GOLGA1: variants seen among roughly 807,000 people sequenced by gnomAD.
GOLGA1 encodes the protein golgin subfamily A member 1.
GOLGA1 carries 63 observed loss-of-function variants against 119.7 expected under a neutral mutation model. The ratio of observed to expected loss-of-function variants is 0.53; its 90% CI spans 0.43 to 0.65. GOLGA1 has a LOEUF of 0.65. Ranked by LOEUF, GOLGA1 falls within the 30% of genes least tolerant of loss-of-function variation. The pLI, the probability that GOLGA1 is intolerant of heterozygous loss-of-function variation, is 0.00. For synonymous variants in GOLGA1, 318 were observed against 333.4 expected (o/e 0.95, Z 0.50); for missense variants, 798 against 912.8 (o/e 0.87, Z 1.62).
At chr9:124,924,636 CAAAAAA>C (rs71374206) in intron 7 of GOLGA1, among the ~76,000 whole-genome samples, 1 of 108,706 alleles carries the variant, frequency 9.2e-6, no homozygotes, top group Non-Finnish European at 1.9e-5. Flanking sequence ...GACCCTGTCT[CAAAAAA>C]AAAAAAAAAG....
chr9:124,935,882 G>C (rs995085695), intron 3 of GOLGA1, among the ~76,000 whole-genome samples: 2 of 152,020 alleles, frequency 1.3e-5, no homozygotes, highest in Admixed American at 6.6e-5. Context: ...CTGGTGACTT[G>C]GGAAGATGAA....
At chr9:124,895,792 C>T (rs1441400213) in intron 15 of GOLGA1, among the ~76,000 whole-genome samples, 1 of 150,266 alleles carries the variant, frequency 6.7e-6, no homozygotes, top group Non-Finnish European at 1.5e-5. Context: ...CAACAGAGAA[C>T]CATCCCCAAC....
At chr9:124,932,949 CT>C (rs764170150) in intron 3 of GOLGA1, among the ~76,000 whole-genome samples, 1 of 152,114 alleles carries the variant, frequency 6.6e-6, no homozygotes, top group Non-Finnish European at 1.5e-5. Flanking sequence ...GATTCACCTC[CT>C]CATTCCATCA....
At chr9:124,915,725 C>A (rs1332778207) in intron 10 of GOLGA1, among the ~76,000 whole-genome samples, 1 of 152,130 alleles carries the variant, frequency 6.6e-6, no homozygotes, top group Non-Finnish European at 1.5e-5. Context: ...GTTGAGGTTG[C>A]AGTGAGCCAA....
intron 10 of GOLGA1, among the ~76,000 whole-genome samples, chr9:124,914,628 G>A (rs1830405941): frequency 6.6e-6 from 1 of 152,212 alleles, no homozygotes; most frequent in South Asian, 2.1e-4. Flanking sequence ...GACATATAGG[G>A]TCAAGGGAAC....
chr9:124,895,239 C>CAACAGAGAACCCTCCAT (rs1829941813), intron 15 of GOLGA1, among the ~76,000 whole-genome samples: 3 of 149,024 alleles, frequency 2.0e-5, no homozygotes, highest in Non-Finnish European at 4.4e-5. Context: ...GAACCCTCCA[C>CAACAGAGAACCCTCCAT]AACAGAGAAC....
intron 15 of GOLGA1, among the ~76,000 whole-genome samples, chr9:124,898,136 C>T (rs1339989798): frequency 6.6e-6 from 1 of 152,146 alleles, no homozygotes; most frequent in African/African-American, 2.4e-5. Context: ...AAACAAAGGT[C>T]CTTATCATCT....
chr9:124,917,861 T>TATA (rs1564338493), intron 10 of GOLGA1, among the ~76,000 whole-genome samples: 1 of 151,006 alleles, frequency 6.6e-6, no homozygotes, highest in South Asian at 2.1e-4. Flanking sequence ...ATATATATAT[T>TATA]TTTTTTTTGA....
At chr9:124,906,123 A>G (rs1300693732) in intron 12 of GOLGA1, among the ~76,000 whole-genome samples, 1 of 150,716 alleles carries the variant, frequency 6.6e-6, no homozygotes, top group African/African-American at 2.4e-5. Context: ...CAAAAAATAA[A>G]TAAATAAATA....
At chr9:124,927,232 T>C (rs1830691714) in intron 6 of GOLGA1, among the ~76,000 whole-genome samples, 1 of 152,180 alleles carries the variant, frequency 6.6e-6, no homozygotes, top group Non-Finnish European at 1.5e-5. Context: ...CCAACATGCT[T>C]TATGCCATCT....
chr9:124,902,236 T>C (rs941600672), intron 12 of GOLGA1, among the ~76,000 whole-genome samples: 1 of 151,686 alleles, frequency 6.6e-6, no homozygotes. Context: ...CTCAGCCTCC[T>C]GAGTAGCTGG....
Position 124,881,701 on chromosome 9 carries a change from G to A in GOLGA1, c.2136+83C>T. 7 of 911,468 alleles carry A rather than the reference G, an allele frequency of 7.7e-6. No individual in the cohort carries two copies. The South Asian group carries it at 1.2e-4, about 15-fold the overall frequency. 56.5% of individuals were successfully genotyped at this position (911,468 alleles called of 1,614,324 possible). ...AACCAGGATGTACGAGGAAAAGAGAGAAAGGGGCTGGGCAGGGGTCCCTGC... is the reference window on the plus strand; with the variant it reads ...AACCAGGATGTACGAGGAAAAGAGAAAAAGGGGCTGGGCAGGGGTCCCTGC... On this transcript the variant is annotated intron_variant, in intron 21 of 22. Coordinates refer to ENST00000373555, the MANE Select transcript of GOLGA1 (RefSeq NM_002077.4). The surrounding 1 kb of genome is among the most constrained non-coding windows in gnomAD (Gnocchi z 4.9).
intron 12 of GOLGA1, among the ~76,000 whole-genome samples, chr9:124,904,233 A>C (rs1385061659): frequency 1.3e-5 from 2 of 152,218 alleles, no homozygotes; most frequent in African/African-American, 2.4e-5. Flanking sequence ...TAGAGTGTCC[A>C]AACTCAAAGA....
rs138568080 is a variant in GOLGA1 at position 124,898,570 on chromosome 9, T to A, written c.1386A>T (p.Gln462His). 4.9e-5 allele frequency: 79 copies of A among 1,595,976 alleles called. No individual in the cohort carries two copies. Among genetic ancestry groups the A allele is most frequent in the Non-Finnish European group, 6.6e-5 (77 of 1,164,464 alleles). Residue 462 changes from glutamine (Q) to histidine (H), a missense_variant, in exon 15 of 23, where the codon CAA becomes CAT. Coordinates refer to ENST00000373555, the MANE Select transcript of GOLGA1 (RefSeq NM_002077.4). ...ATACCTTCAGCTTCTTTAGTTCAAA[T>A]TGGTGATTTTGTAAAGAACGTTCAT... ...NEYERSLQNHQFELKKLKEEW... is the reference protein window; with the variant it reads ...NEYERSLQNHHFELKKLKEEW...
intron 3 of GOLGA1, among the ~76,000 whole-genome samples, chr9:124,936,751 T>G (rs1830878038): frequency 6.6e-6 from 1 of 152,224 alleles, no homozygotes; most frequent in Non-Finnish European, 1.5e-5. Context: ...GTGTCCAGCC[T>G]GGAATCTTAT....
At chr9:124,900,703 A>G (rs1830086267) in intron 12 of GOLGA1, among the ~76,000 whole-genome samples, 156 bp from the exon 13 acceptor site, 2 of 152,264 alleles carry the variant, frequency 1.3e-5, no homozygotes, top group Admixed American at 6.5e-5. Context: ...ATTATAAAAC[A>G]CTAGCATTCT....
chr9:124,918,019 A>C (rs779802586), intron 10 of GOLGA1, among the ~76,000 whole-genome samples: 14 of 151,918 alleles, frequency 9.2e-5, no homozygotes, highest in Non-Finnish European at 1.3e-4. Context: ...TGCCCAGCTA[A>C]TTTTGTATTT....
intron 19 of GOLGA1, among the ~76,000 whole-genome samples, chr9:124,887,236 C>G (rs1229965935): frequency 2.6e-5 from 4 of 152,102 alleles, no homozygotes; most frequent in Admixed American, 1.3e-4. Context: ...AATTTGCAAA[C>G]AGGCAAAACG....
At chr9:124,885,075 T>A (rs1829687259) in intron 19 of GOLGA1, among the ~76,000 whole-genome samples, 1 of 152,096 alleles carries the variant, frequency 6.6e-6, no homozygotes, top group Non-Finnish European at 1.5e-5. Flanking sequence ...ACGCCTGTAA[T>A]CCCAGCACTT....
Sources: allele counts gnomAD v4.1 joint callset (sites outside exome capture counted in the v4.1 genomes callset), GRCh38; gene constraint gnomAD v4.1.1; non-coding constraint Gnocchi (gnomAD v3.1); transcripts MANE v1.5; gene names NCBI Gene and HGNC (gene_info 2026-07-23, HGNC 2026-07-21).